The following NR5A2 variants were observed in gnomAD, a reference collection of about 807,000 sequenced individuals.
NR5A2 encodes CYP7A promoter-binding factor.
In NR5A2, 26 loss-of-function variants were observed where a neutral mutation model predicts 62.7. The observed-to-expected ratio is 0.41, with a 90% confidence interval of 0.30 to 0.58. The LOEUF is 0.58. Among genes scored for constraint, NR5A2 ranks in the 20% least tolerant of loss-of-function variants. The pLI, the probability that NR5A2 is intolerant of heterozygous loss-of-function variation, is 0.22. For missense variants in NR5A2, 541 were observed against 669.1 expected, an observed-to-expected ratio of 0.81 and a Z score of 2.11; for synonymous variants, 246 against 241.7, an observed-to-expected ratio of 1.02 and a Z score of -0.16.
chr1:200,148,028 G>T, intron 7 of NR5A2: 1 of 306,092 alleles, frequency 3.3e-6, no homozygotes, highest in Non-Finnish European at 6.4e-6. Flanking sequence ...AGGCCACGTT[G>T]GGCAGGTCGC....
At chr1:200,040,664 C>T (rs1197374599) in intron 2 of NR5A2, among the ~76,000 whole-genome samples, 27 of 152,228 alleles carry the variant, frequency 1.8e-4, no homozygotes, top group Non-Finnish European at 2.9e-5. Context: ...TCGCCCCTTC[C>T]AGGGTGCAGG....
At chr1:200,096,127 T>A (rs1180510962) in intron 5 of NR5A2, among the ~76,000 whole-genome samples, 1 of 151,776 alleles carries the variant, frequency 6.6e-6, no homozygotes. Context: ...TGAGGTGGAG[T>A]CTGTCACCCA....
At chr1:200,096,903 A>G (rs1571468294) in intron 5 of NR5A2, among the ~76,000 whole-genome samples, 1 of 152,228 alleles carries the variant, frequency 6.6e-6, no homozygotes, top group South Asian at 2.1e-4. Flanking sequence ...AGGTGCTACC[A>G]TCTAGGTTTG....
chr1:200,085,117 G>T (rs1257265475), intron 5 of NR5A2, among the ~76,000 whole-genome samples: 1 of 152,110 alleles, frequency 6.6e-6, no homozygotes, highest in Non-Finnish European at 1.5e-5. Context: ...GGAGGAGGAG[G>T]ATCAGAAGTG....
At chr1:200,097,377 G>C (rs933024980) in intron 5 of NR5A2, among the ~76,000 whole-genome samples, 1 of 152,160 alleles carries the variant, frequency 6.6e-6, no homozygotes, top group Admixed American at 6.5e-5. Context: ...GGAGACAAAA[G>C]AACTCCCTTC....
At chr1:200,131,046 C>T (rs1197486092) in intron 7 of NR5A2, among the ~76,000 whole-genome samples, 1 of 152,168 alleles carries the variant, frequency 6.6e-6, no homozygotes. Flanking sequence ...TATATATGCA[C>T]CTGAGGGTAA....
chr1:200,048,653 G>T lies in NR5A2; in HGVS notation c.945G>T (p.Glu315Asp). 3.1e-6 allele frequency: 5 copies of T among 1,614,200 alleles called. No individual in the cohort carries two copies. Among genetic ancestry groups the T allele is most frequent in the Non-Finnish European group, 4.2e-6 (5 of 1,180,042 alleles). ...AACTTTTGAAGTGTGAGCCAGATGA[G>T]CCTCAAGTCCAGGCTAAAATCATGG... ...ILELLKCEPD[E>D]PQVQAKIMAY... The change falls in exon 5 of 8, where the codon GAG becomes GAT. Residue 315 changes from glutamate (E) to aspartate (D), a missense_variant. This residue lies in a region of NR5A2 where 379 missense variants were observed against 442.0 expected (regional missense o/e 0.86). Coordinates refer to ENST00000367362, the MANE Select transcript of NR5A2 (RefSeq NM_205860.3). The surrounding 1 kb of genome is among the most constrained non-coding windows in gnomAD (Gnocchi z 4.8).
At chr1:200,105,724 G>A (rs1428185671) in intron 5 of NR5A2, among the ~76,000 whole-genome samples, 2 of 152,170 alleles carry the variant, frequency 1.3e-5, no homozygotes, top group African/African-American at 4.8e-5. Context: ...CACCAAGGCA[G>A]GAGGATACCT....
At chr1:200,128,920 T>G (rs925836110) in intron 7 of NR5A2, among the ~76,000 whole-genome samples, 2 of 152,236 alleles carry the variant, frequency 1.3e-5, no homozygotes, top group South Asian at 4.1e-4. Context: ...TCCAATAGTC[T>G]TTAGTTTCTG....
At chr1:200,084,179 A>G (rs897031501) in intron 5 of NR5A2, among the ~76,000 whole-genome samples, 1 of 152,040 alleles carries the variant, frequency 6.6e-6, no homozygotes, top group Non-Finnish European at 1.5e-5. Flanking sequence ...ATTTATATCT[A>G]TTTTAGTGAC....
intron 7 of NR5A2, among the ~76,000 whole-genome samples, chr1:200,127,696 AAAAAAAAAAAAAAATAT>A (rs1666774173): frequency 1.1e-5 from 1 of 93,648 alleles, no homozygotes. Flanking sequence ...AAAAAAAAAA[AAAAAAAAAAAAAAATAT>A]ATATATATAT....
At chr1:200,106,317 A>G (rs1012455731) in intron 5 of NR5A2, among the ~76,000 whole-genome samples, 2 of 152,134 alleles carry the variant, frequency 1.3e-5, no homozygotes, top group Non-Finnish European at 2.9e-5. Context: ...TTGGCCTCCC[A>G]AAGTGCTGGG....
At chr1:200,104,749 G>A (rs921402472) in intron 5 of NR5A2, among the ~76,000 whole-genome samples, 21 of 152,100 alleles carry the variant, frequency 1.4e-4, no homozygotes, top group African/African-American at 2.7e-4. Flanking sequence ...TGCAACCTCC[G>A]CCTTCCGGGT....
chr1:200,071,740 G>C (rs1009907062), intron 5 of NR5A2, among the ~76,000 whole-genome samples: 3 of 152,200 alleles, frequency 2.0e-5, no homozygotes, highest in Non-Finnish European at 4.4e-5. Flanking sequence ...AGTGGATTTT[G>C]AGGTTGTGAT....
chr1:200,076,160 A>AC (rs1317912214), intron 5 of NR5A2, among the ~76,000 whole-genome samples: 1 of 152,156 alleles, frequency 6.6e-6, no homozygotes, highest in East Asian at 1.9e-4. Flanking sequence ...TGCTAACATA[A>AC]CCCCGGTTCC....
At chr1:200,064,478 C>A (rs115500617) in intron 5 of NR5A2, among the ~76,000 whole-genome samples, 2 of 152,188 alleles carry the variant, frequency 1.3e-5, no homozygotes, top group Admixed American at 1.3e-4. Flanking sequence ...CATAGCACTT[C>A]TTGGAAACTT....
chr1:200,038,307 G>A (rs1248398339), intron 1 of NR5A2, among the ~76,000 whole-genome samples: 1 of 152,238 alleles, frequency 6.6e-6, no homozygotes, highest in East Asian at 1.9e-4. Flanking sequence ...AAACTGGAAA[G>A]TCTGTCGCTT....
At position 200,144,235 on chromosome 1, in the gene NR5A2, A is replaced by T. The variant is rs12069042; in HGVS notation, c.1378+23280A>T. Among the ~76,000 whole-genome samples the T allele has an allele frequency of 8.5e-3, 189 of 22,182 alleles. 1 individual carries two copies. The highest frequency in any genetic ancestry group is 0.026 in the African/African-American group (173 of 6,684). 14.6% of individuals were successfully genotyped at this position (22,182 alleles called of 152,430 possible). ...CTGTTTCTCTCTCTCTCTCTCTCTC[A>T]CACACACACACACACACACACACAC... On this transcript the variant is annotated intron_variant, in intron 7 of 7. Transcript: ENST00000367362.
chr1:200,102,354 G>T (rs1416750391), intron 5 of NR5A2, among the ~76,000 whole-genome samples: 1 of 152,158 alleles, frequency 6.6e-6, no homozygotes, highest in Non-Finnish European at 1.5e-5. Flanking sequence ...TTACAGAGTG[G>T]TTTCTTTAGC....
Sources: gnomAD v4.1 joint callset for allele counts (sites outside exome capture counted in the v4.1 genomes callset) on GRCh38, gnomAD v4.1.1 for gene constraint, gnomAD v4.1.1 regional missense constraint, Gnocchi (gnomAD v3.1) non-coding constraint, MANE v1.5 for transcripts, NCBI Gene and HGNC (gene_info 2026-07-23, HGNC 2026-07-21) for gene names.